The following EIF4G2 variants were observed in gnomAD, a reference collection of about 807,000 sequenced individuals.
EIF4G2 encodes DAP-5.
EIF4G2 carries 8 observed loss-of-function variants against 117.7 expected under a neutral mutation model. The observed-to-expected ratio is 0.07, with a 90% CI of 0.04 to 0.12. EIF4G2 has a LOEUF of 0.12. EIF4G2 is among the 10% of genes least tolerant of loss of function. The pLI is 1.00. For synonymous variants in EIF4G2, 413 were observed against 367.8 expected (o/e 1.12, Z -1.41); for missense variants, 812 against 1,086.2 (o/e 0.75, Z 3.55).
chr11:10,804,392 T>C lies in EIF4G2; in HGVS notation c.378A>G (p.Pro126=), dbSNP rs139999012. The C allele has an allele frequency of 2.1e-5, 33 of 1,608,734 alleles. No individual in the cohort carries two copies. Among genetic ancestry groups the C allele is most frequent in the South Asian group, 3.3e-5 (3 of 90,564 alleles). The change falls in exon 6 of 22, where the codon CCA becomes CCG. Residue 126 remains proline (P), a synonymous_variant. Transcript: ENST00000339995. ...GCTGAGCATACAGTGAGCTATACTT[T>C]GGCTCTTCTAGGGCTTTGTCCACAA...
Position 10,799,544 on chromosome 11 carries a change from C to A in EIF4G2, c.2324+8G>T, listed in dbSNP as rs745371525. The A allele has an allele frequency of 6.2e-7, 1 of 1,612,212 alleles. No homozygotes were observed. ...ACATTACCATATGCAGAAAACCATT[C>A]GTCTTACCTAGTCATTAAGATGTTC... On this transcript the variant is annotated splice_region_variant and intron_variant, in intron 19 of 21. Coordinates refer to ENST00000339995, the MANE Select transcript of EIF4G2 (RefSeq NM_001418.4).
chr11:10,800,919 C>T (rs1395028642), intron 15 of EIF4G2, 43 bp downstream of exon 15: 1 of 1,612,152 alleles, frequency 6.2e-7, no homozygotes, highest in East Asian at 2.2e-5. Flanking sequence ...AGAAAAAAGT[C>T]TTCAGATATC....
intron 3 of EIF4G2, 51 bp downstream of exon 3, chr11:10,806,769 A>C: frequency 1.3e-6 from 2 of 1,592,976 alleles, no homozygotes; most frequent in Non-Finnish European, 1.7e-6. Context: ...CATGGGAAAG[A>C]CTTTTAATCT....
At chr11:10,802,541 T>G in intron 11 of EIF4G2, 106 bp from the exon 12 acceptor site, 1 of 1,376,694 alleles carries the variant, frequency 7.3e-7, no homozygotes, top group South Asian at 1.6e-5. Flanking sequence ...AAACCATAAT[T>G]TATGTTATTT....
At chr11:10,807,402 A>C in intron 1 of EIF4G2, 21 bp from the exon 2 acceptor site, 2 of 1,581,040 alleles carry the variant, frequency 1.3e-6, no homozygotes, top group Non-Finnish European at 1.7e-6. Context: ...AAAGAGCACC[A>C]AAATTAGACA....
At position 10,801,101 on chromosome 11, in the gene EIF4G2, C is replaced by CA; in HGVS notation, c.1414-15dup. 1 of 1,613,470 alleles carries CA rather than the reference C, an allele frequency of 6.2e-7. No homozygotes were observed. Among genetic ancestry groups the CA allele is most frequent in the Non-Finnish European group, 8.5e-7 (1 of 1,179,788 alleles). ...CCTCAGGCTAATCTGGAATTGAAAA[C>CA]AAAATATATCTAAATTAACAACATG... is the stretch of plus-strand genomic sequence containing the variant. On this transcript the variant is annotated splice_polypyrimidine_tract_variant and intron_variant, in intron 14 of 21. Transcript: ENST00000339995.
At chr11:10,806,329 AACCAC>A in intron 3 of EIF4G2, 1 of 451,584 alleles carries the variant, frequency 2.2e-6, no homozygotes. Flanking sequence ...AACGCTGTGG[AACCAC>A]ATTTTGAAAA....
At chr11:10,798,895 C>G in intron 21 of EIF4G2, 97 bp downstream of exon 21, 3 of 1,422,648 alleles carry the variant, frequency 2.1e-6, no homozygotes, top group Middle Eastern at 3.7e-4. Flanking sequence ...CTAACTAGGA[C>G]TACCTTGCCT....
intron 1 of EIF4G2, chr11:10,807,954 A>C: frequency 5.9e-6 from 6 of 1,020,754 alleles, no homozygotes; most frequent in Non-Finnish European, 7.1e-6. Context: ...CTGGGAACAA[A>C]AGAGCGGAGC....
At chr11:10,801,904 A>C in intron 13 of EIF4G2, 130 bp from the exon 14 acceptor site, 4 of 1,114,224 alleles carry the variant, frequency 3.6e-6, no homozygotes, top group Non-Finnish European at 5.2e-6. Flanking sequence ...GTAAAAGATG[A>C]AACAGGGAAG....
chr11:10,802,973 C>T, intron 11 of EIF4G2, 57 bp downstream of exon 11: 1 of 1,505,720 alleles, frequency 6.6e-7, no homozygotes, highest in Non-Finnish European at 9.1e-7. Context: ...GGAGGAAACC[C>T]ATTCTATTCT....
chr11:10,807,679 G>C (rs1353630395), intron 1 of EIF4G2: 3 of 1,011,160 alleles, frequency 3.0e-6, no homozygotes, highest in Non-Finnish European at 3.5e-6. Context: ...GAGATCAATA[G>C]AAAAGTCTAA....
chr11:10,797,686 A>T lies in EIF4G2; in HGVS notation c.*130T>A, dbSNP rs1590037384. The T allele has an allele frequency of 1.0e-6, 1 of 954,492 alleles. No homozygotes were observed. Among genetic ancestry groups the T allele is most frequent in the South Asian group, 1.5e-5 (1 of 65,794 alleles). 59.1% of individuals were successfully genotyped at this position (954,492 alleles called of 1,614,324 possible). The stretch of plus-strand genomic sequence containing the variant: ...AAAACCTTATGCAGAAGGAAATCCT[A>T]ACTGACGTGCTTCTGCTTTAAATAT... On this transcript the variant is annotated 3_prime_UTR_variant, in exon 22 of 22. Coordinates refer to ENST00000339995, the MANE Select transcript of EIF4G2 (RefSeq NM_001418.4). This position sits in a 1 kb window ranked among gnomAD's most constrained non-coding sequence, Gnocchi z 4.5.
In EIF4G2 at chr11:10,808,376, G is replaced by T. The variant is rs565909603; in HGVS notation, c.-87+329C>A. On this transcript the variant is annotated intron_variant, in intron 1 of 21. Transcript: ENST00000339995. ...CGGCCCGCGTGCCTCCCGCCACGGC[G>T]CTAGCGGTCCGAGCCACGCTCCCTC... 1,719 of 1,230,256 alleles carry T rather than the reference G, an allele frequency of 1.4e-3. 48 individuals are homozygous for T. The South Asian group carries it at 0.022, about 16-fold the overall frequency. 76.2% of individuals were successfully genotyped at this position (1,230,256 alleles called of 1,614,324 possible).
At position 10,797,720 on chromosome 11, in the gene EIF4G2, CAT is replaced by C; in HGVS notation, c.*94_*95del. On this transcript the variant is annotated 3_prime_UTR_variant, in exon 22 of 22. Transcript: ENST00000339995. This position sits in a 1 kb window ranked among gnomAD's most constrained non-coding sequence, Gnocchi z 4.5. ...GCTTCTGCTTTAAATATTGTGAAAA[CAT>C]TACAGCGGAATGAATTTTCGCAGTG... is the stretch of plus-strand genomic sequence containing the variant. 7.8e-7 allele frequency: 1 copy of C among 1,287,178 alleles called. No individual in the cohort carries two copies. Among genetic ancestry groups the C allele is most frequent in the Non-Finnish European group, 1.1e-6 (1 of 898,570 alleles). 79.7% of individuals were successfully genotyped at this position (1,287,178 alleles called of 1,614,324 possible). A position where few individuals can be genotyped will look rare whatever the true frequency, so the allele number is the denominator to read the frequency against.
Position 10,799,340 on chromosome 11 carries a change from C to G in EIF4G2, c.2409G>C (p.Glu803Asp). ...AAGATAGTAGTAGTTGTTTTTCCTG[C>G]TCTAACTGTTCTTTGGAAGGAGCAG... The change falls in exon 20 of 22, where the codon GAG becomes GAC. Residue 803 changes from glutamate (E) to aspartate (D), a missense_variant. This residue lies in a region of EIF4G2 where 571 missense variants were observed against 642.3 expected (regional missense o/e 0.89). Coordinates refer to ENST00000339995, the MANE Select transcript of EIF4G2 (RefSeq NM_001418.4). 6.2e-7 allele frequency: 1 copy of G among 1,613,766 alleles called. No homozygotes were observed. The highest frequency in any genetic ancestry group is 8.5e-7 in the Non-Finnish European group (1 of 1,180,004).
intron 4 of EIF4G2, among the ~76,000 whole-genome samples, chr11:10,805,556 G>C (rs982525181): frequency 6.6e-6 from 1 of 151,946 alleles, no homozygotes; most frequent in African/African-American, 2.4e-5. Context: ...GTATTCAAGT[G>C]ATTCTCCTGC....
At chr11:10,805,728 C>T (rs558385169) in intron 4 of EIF4G2, among the ~76,000 whole-genome samples, 179 bp downstream of exon 4, 3 of 152,210 alleles carry the variant, frequency 2.0e-5, no homozygotes, top group East Asian at 2.0e-4. Context: ...GCTGGGATTA[C>T]AGGCGTGAGC....
At chr11:10,808,315 T>C in intron 1 of EIF4G2, 1 of 1,207,954 alleles carries the variant, frequency 8.3e-7, no homozygotes, top group Non-Finnish European at 1.0e-6. Context: ...CGCCTGCGGT[T>C]CCCTGGTCCC....
Sources: allele counts gnomAD v4.1 joint callset (sites outside exome capture counted in the v4.1 genomes callset), GRCh38; gene constraint gnomAD v4.1.1; regional missense constraint gnomAD v4.1.1; non-coding constraint Gnocchi (gnomAD v3.1); transcripts MANE v1.5; gene names NCBI Gene and HGNC (gene_info 2026-07-23, HGNC 2026-07-21).